KLHL5: variants seen among roughly 807,000 people sequenced by gnomAD.
The protein encoded by KLHL5 is kelch like family member 5, also known as kelch-like protein 5.
Under a neutral mutation model 77.7 loss-of-function variants are expected in KLHL5, and 48 were observed. That is an observed-to-expected ratio of 0.62 (90% CI 0.49 to 0.79). The LOEUF (loss-of-function observed/expected upper bound fraction) is 0.79. KLHL5 is among the 30% of genes least tolerant of loss of function. The pLI, the probability that KLHL5 is intolerant of heterozygous loss-of-function variation, is 0.00. For missense variants in KLHL5, 723 were observed against 859.7 expected, an observed-to-expected ratio of 0.84 and a Z score of 1.99; for synonymous variants, 260 against 297.0, an observed-to-expected ratio of 0.88 and a Z score of 1.28.
At chr4:39,091,842 G>GTTTTTTTTTTTT (rs372831946) in intron 5 of KLHL5, among the ~76,000 whole-genome samples, 1 of 52,428 alleles carries the variant, frequency 1.9e-5, no homozygotes, top group African/African-American at 6.4e-5. Context: ...CATCTGACTA[G>GTTTTTTTTTTTT]TTTTTTTTTT....
At chr4:39,116,831 T>A (rs1424838223) in intron 10 of KLHL5, among the ~76,000 whole-genome samples, 1 of 151,016 alleles carries the variant, frequency 6.6e-6, no homozygotes, top group Non-Finnish European at 1.5e-5. Flanking sequence ...ATTTGTGGGT[T>A]TTTTTGTTTT....
chr4:39,045,245 C>A, intron 1 of KLHL5: 1 of 878,806 alleles, frequency 1.1e-6, no homozygotes, highest in Non-Finnish European at 1.4e-6. Flanking sequence ...GGCTGCGAGG[C>A]CCTCGGGTCC....
downstream of KLHL5, among the ~76,000 whole-genome samples, chr4:39,127,620 AT>A (rs930219178): frequency 6.7e-6 from 1 of 149,662 alleles, no homozygotes; most frequent in Non-Finnish European, 1.5e-5. Context: ...TGTTTGGCTA[AT>A]TTTTTTTTTC....
chr4:39,067,790 C>T (rs1427723155), intron 1 of KLHL5, among the ~76,000 whole-genome samples: 1 of 151,900 alleles, frequency 6.6e-6, no homozygotes, highest in Non-Finnish European at 1.5e-5. Flanking sequence ...AAGCGATTCT[C>T]CTGCCTCAGC....
At chr4:39,048,366 G>A (rs1046589449) in intron 1 of KLHL5, among the ~76,000 whole-genome samples, 1 of 152,186 alleles carries the variant, frequency 6.6e-6, no homozygotes, top group Non-Finnish European at 1.5e-5. Context: ...TGAAAATAGA[G>A]GGCCAGAGCT....
At chr4:39,045,129 G>T in intron 1 of KLHL5, 2 of 984,504 alleles carry the variant, frequency 2.0e-6, no homozygotes, top group Non-Finnish European at 2.4e-6. Flanking sequence ...CATCGGGGAG[G>T]GGGCCGCCTC....
At chr4:39,117,128 C>G (rs1310505384) in intron 10 of KLHL5, among the ~76,000 whole-genome samples, 1 of 152,118 alleles carries the variant, frequency 6.6e-6, no homozygotes, top group Non-Finnish European at 1.5e-5. Context: ...AGCCACCATG[C>G]CCAGCCCCCA....
At chr4:39,139,175 G>A in the KLHL5 span, among the ~76,000 whole-genome samples, 3 of 151,894 alleles carry the variant, frequency 2.0e-5, no homozygotes, top group Non-Finnish European at 4.4e-5. Context: ...CCAGCTACTC[G>A]GGAGGCTGAG....
At chr4:39,135,853 G>A in the KLHL5 span, among the ~76,000 whole-genome samples, 3 of 151,996 alleles carry the variant, frequency 2.0e-5, no homozygotes, top group South Asian at 4.1e-4. Context: ...GCAGTAAGCC[G>A]AAATCACACC....
At chr4:39,114,551 CA>C (rs1267413794) in intron 9 of KLHL5, among the ~76,000 whole-genome samples, 11 of 152,168 alleles carry the variant, frequency 7.2e-5, no homozygotes, top group Admixed American at 4.6e-4. Context: ...AGGAAAGTTA[CA>C]ACTGCATTTC....
intron 1 of KLHL5, among the ~76,000 whole-genome samples, chr4:39,074,296 T>G (rs1718792229): frequency 6.6e-6 from 1 of 152,222 alleles, no homozygotes; most frequent in Non-Finnish European, 1.5e-5. Flanking sequence ...CTAGGAGGAT[T>G]TAGGAAGGAA....
Position 39,126,016 on chromosome 4 carries a change from C to A in KLHL5, c.*4950C>A, listed in dbSNP as rs1176159432. On this transcript the variant is annotated 3_prime_UTR_variant, in exon 11 of 11. Coordinates refer to ENST00000504108, the MANE Select transcript of KLHL5 (RefSeq NM_015990.5). ...AAATCTAACAGAAAGGCTCTTAAAT[C>A]TTAATTTCAACCTAAGAAGGGAGTG... 6.6e-6 allele frequency among the ~76,000 whole-genome samples: 1 copy of A among 152,070 alleles called. No homozygotes were observed. Among genetic ancestry groups the A allele is most frequent in the Non-Finnish European group, 1.5e-5 (1 of 68,012 alleles).
intron 1 of KLHL5, among the ~76,000 whole-genome samples, chr4:39,071,478 A>C (rs1718473386): frequency 1.3e-5 from 2 of 152,222 alleles, no homozygotes; most frequent in Admixed American, 1.3e-4. Context: ...AATAGTTTAC[A>C]ATAAAAAGGT....
At chr4:39,141,424 T>C in the KLHL5 span, among the ~76,000 whole-genome samples, 110 of 147,842 alleles carry the variant, frequency 7.4e-4, no homozygotes, top group African/African-American at 2.6e-3. Flanking sequence ...TTCTCCTGCC[T>C]CAGCCTCTCG....
chr4:39,063,821 A>T (rs538922551), intron 1 of KLHL5: 1 of 169,264 alleles, frequency 5.9e-6, no homozygotes, highest in Non-Finnish European at 1.3e-5. Flanking sequence ...GACTTTATCT[A>T]CCTTTATCTT....
chr4:39,079,635 T>G (rs537793932), intron 2 of KLHL5, among the ~76,000 whole-genome samples: 4 of 152,166 alleles, frequency 2.6e-5, no homozygotes, highest in Non-Finnish European at 5.9e-5. Flanking sequence ...TTTGCCCAAC[T>G]TTTTTTCCCC....
chr4:39,121,348 C>A lies in KLHL5; in HGVS notation c.*282C>A. On this transcript the variant is annotated 3_prime_UTR_variant, in exon 11 of 11. Coordinates refer to ENST00000504108, the MANE Select transcript of KLHL5 (RefSeq NM_015990.5). Reference sequence around the variant, plus strand: ...GAATGCACTGCTCTGGAACATAACCCAGTGCTAACTGGGGGTTTCATTTAT... The same window carrying A: ...GAATGCACTGCTCTGGAACATAACCAAGTGCTAACTGGGGGTTTCATTTAT... 2.5e-6 allele frequency: 1 copy of A among 398,668 alleles called. No homozygotes were observed. The highest frequency in any genetic ancestry group is 4.5e-6 in the Non-Finnish European group (1 of 219,826). 24.7% of individuals were successfully genotyped at this position (398,668 alleles called of 1,614,324 possible). A position where few individuals can be genotyped will look rare whatever the true frequency, so the allele number is the denominator to read the frequency against.
intron 5 of KLHL5, among the ~76,000 whole-genome samples, chr4:39,091,287 C>A (rs1171072030): frequency 2.0e-5 from 3 of 151,882 alleles, no homozygotes; most frequent in Non-Finnish European, 4.4e-5. Flanking sequence ...CCATGCCCAG[C>A]CGGTTTTTTA....
chr4:39,078,333 C>T (rs1178848195), intron 2 of KLHL5, among the ~76,000 whole-genome samples: 1 of 151,730 alleles, frequency 6.6e-6, no homozygotes, highest in East Asian at 1.9e-4. Context: ...TTGCAGTGAA[C>T]CGAGATCACG....
Sources: allele counts gnomAD v4.1 joint callset (sites outside exome capture counted in the v4.1 genomes callset), GRCh38; gene constraint gnomAD v4.1.1; transcripts MANE v1.5; gene names NCBI Gene and HGNC (gene_info 2026-07-23, HGNC 2026-07-21).